RNF152: variants seen among roughly 807,000 people sequenced by gnomAD.
The protein encoded by RNF152 is E3 ubiquitin-protein ligase RNF152.
In RNF152, 11 loss-of-function variants were observed where a neutral mutation model predicts 12.7. The observed-to-expected ratio is 0.86, with a 90% CI of 0.54 to 1.43. The LOEUF is 1.43. Among genes scored for constraint, RNF152 ranks in the 40% most tolerant of loss-of-function variants. RNF152 has a pLI of 0.00. For synonymous variants in RNF152, 113 were observed against 120.3 expected (o/e 0.94, Z 0.40); for missense variants, 255 against 274.8 (o/e 0.93, Z 0.51).
Position 61,815,095 on chromosome 18 carries a change from G to C in RNF152, c.*757C>G, listed in dbSNP as rs1408715759. The C allele has an allele frequency of 6.6e-6, 1 of 152,552 alleles. No individual in the cohort carries two copies. Among genetic ancestry groups the C allele is most frequent in the Non-Finnish European group, 1.5e-5 (1 of 68,032 alleles). 9.4% of individuals were successfully genotyped at this position (152,552 alleles called of 1,614,324 possible). A position where few individuals can be genotyped will look rare whatever the true frequency, so the allele number is the denominator to read the frequency against. ...TACATTTGAAATTCTTATTTTGTGA[G>C]ATGGCTTGAGGAAAATCGGCATACA... On this transcript the variant is annotated 3_prime_UTR_variant, in exon 2 of 2. Transcript: ENST00000312828.
rs184869981 is a variant in RNF152 at position 61,857,630 on chromosome 18, G to A, written c.-136+35165C>T. Among the ~76,000 whole-genome samples the A allele has an allele frequency of 1.0e-3, 154 of 152,106 alleles. 1 individual carries two copies. Among genetic ancestry groups the A allele is most frequent in the African/African-American group, 3.4e-3 (142 of 41,476 alleles). ...TTCCATCTCATCGCCATGTTCTGAC[G>A]ATACAGGGACACAAAAGTAGCAGAT... is the stretch of plus-strand genomic sequence containing the variant. On this transcript the variant is annotated intron_variant, in intron 1 of 1. Transcript: ENST00000312828.
chr18:61,846,035 C>G (rs1475424360), intron 1 of RNF152, among the ~76,000 whole-genome samples: 2 of 152,036 alleles, frequency 1.3e-5, no homozygotes, highest in African/African-American at 2.4e-5. Flanking sequence ...CAGCAGATGC[C>G]CTTTATGAAC....
chr18:61,894,386 G>A (rs1392204149), upstream of RNF152: 1 of 151,794 alleles, frequency 6.6e-6, no homozygotes, highest in African/African-American at 2.4e-5. This position sits in a 1 kb window ranked among gnomAD's most constrained non-coding sequence, Gnocchi z 4.9. Context: ...GCCGCCCTCC[G>A]CGTTCGCGGT....
chr18:61,879,495 G>A (rs928486810), intron 1 of RNF152, among the ~76,000 whole-genome samples: 8 of 152,210 alleles, frequency 5.3e-5, no homozygotes, highest in Admixed American at 1.3e-4. Flanking sequence ...GGTACTTATA[G>A]CTTTCCATCA....
chr18:61,860,548 C>T (rs778011683), intron 1 of RNF152, among the ~76,000 whole-genome samples: 36 of 152,244 alleles, frequency 2.4e-4, no homozygotes, highest in Middle Eastern at 3.4e-3. Flanking sequence ...ACCATGCTGC[C>T]GGTTGCATAA....
chr18:61,873,485 G>A (rs1375397242), intron 1 of RNF152, among the ~76,000 whole-genome samples: 10 of 152,188 alleles, frequency 6.6e-5, no homozygotes, highest in Admixed American at 5.2e-4. Flanking sequence ...TTACAGGCAC[G>A]CCACCACGCC....
At position 61,816,612 on chromosome 18, in the gene RNF152, A is replaced by G. The variant is rs74944401; in HGVS notation, c.-135-14T>C. The G allele has an allele frequency of 7.3e-4, 539 of 740,192 alleles. 6 individuals are homozygous for G. The East Asian group carries it at 0.013, about 17-fold the overall frequency. The allele number at this position is 740,192 out of a possible 1,614,324, so 45.9% of individuals were successfully genotyped here. A position where few individuals can be genotyped will look rare whatever the true frequency, so the allele number is the denominator to read the frequency against. On this transcript the variant is annotated splice_polypyrimidine_tract_variant and intron_variant, in intron 1 of 1. Transcript: ENST00000312828. The stretch of plus-strand genomic sequence containing the variant: ...GTGTGTTCATTTCTGAGAGAGACAA[A>G]TAATGCAAACAATCTTAATTATTTC...
In RNF152 at chr18:61,812,507, CT is replaced by C. The variant is rs1490692551; in HGVS notation, c.*3344del. 6.6e-6 allele frequency: 1 copy of C among 152,150 alleles called. No homozygotes were observed. Among genetic ancestry groups the C allele is most frequent in the Non-Finnish European group, 1.5e-5 (1 of 68,024 alleles). 9.4% of individuals were successfully genotyped at this position (152,150 alleles called of 1,614,324 possible). ...TGACTGGAACCAAAAACCAAGTTGCCTTTTCATCACAACTTATGCCCCAAGT... is the reference window on the plus strand; with the variant it reads ...TGACTGGAACCAAAAACCAAGTTGCCTTTCATCACAACTTATGCCCCAAGT... On this transcript the variant is annotated 3_prime_UTR_variant, in exon 2 of 2. Transcript: ENST00000312828.
At chr18:61,837,232 G>C (rs972759431) in intron 1 of RNF152, among the ~76,000 whole-genome samples, 4 of 152,198 alleles carry the variant, frequency 2.6e-5, no homozygotes, top group African/African-American at 9.7e-5. Context: ...AAAGCAACGA[G>C]ATTGTTCTAG....
chr18:61,891,693 T>C (rs1912966990), intron 1 of RNF152, among the ~76,000 whole-genome samples: 1 of 152,228 alleles, frequency 6.6e-6, no homozygotes, highest in South Asian at 2.1e-4. Context: ...GAAGGATAAA[T>C]GCTAGTGTCA....
chr18:61,884,542 A>T (rs1371802986), intron 1 of RNF152, among the ~76,000 whole-genome samples: 1 of 151,890 alleles, frequency 6.6e-6, no homozygotes, highest in African/African-American at 2.4e-5. Context: ...CTGGTAAAAC[A>T]TAGGCATTCA....
intron 1 of RNF152, among the ~76,000 whole-genome samples, chr18:61,847,795 A>G (rs774840138): frequency 2.6e-5 from 4 of 151,966 alleles, no homozygotes; most frequent in African/African-American, 7.3e-5. Flanking sequence ...CCTTCAGTCA[A>G]TGGCCTGGCC....
intron 1 of RNF152, among the ~76,000 whole-genome samples, chr18:61,835,209 A>T (rs1568270616): frequency 6.6e-6 from 1 of 152,244 alleles, no homozygotes. Flanking sequence ...ACAAAATAGC[A>T]TATTTACAAG....
chr18:61,887,098 T>C (rs1198778820), intron 1 of RNF152, among the ~76,000 whole-genome samples: 3 of 152,204 alleles, frequency 2.0e-5, no homozygotes, highest in Non-Finnish European at 4.4e-5. Flanking sequence ...TCCCAGCTAA[T>C]GTTCAGTTTT....
At chr18:61,851,278 A>G (rs541744843) in intron 1 of RNF152, among the ~76,000 whole-genome samples, 2 of 152,286 alleles carry the variant, frequency 1.3e-5, no homozygotes, top group East Asian at 3.9e-4. Context: ...ATCAAACTTT[A>G]AATCACTGAA....
At chr18:61,858,924 C>T (rs879778602) in intron 1 of RNF152, among the ~76,000 whole-genome samples, 1 of 152,060 alleles carries the variant, frequency 6.6e-6, no homozygotes, top group Non-Finnish European at 1.5e-5. Flanking sequence ...ATTTGGGGTC[C>T]CCTGGCTTTG....
intron 1 of RNF152, among the ~76,000 whole-genome samples, chr18:61,847,434 T>C (rs1404043596): frequency 6.6e-6 from 1 of 152,178 alleles, no homozygotes; most frequent in East Asian, 1.9e-4. Context: ...CAAAACTCTC[T>C]CAACTCAGAA....
At chr18:61,868,083 T>G (rs1911820094) in intron 1 of RNF152, among the ~76,000 whole-genome samples, 1 of 152,188 alleles carries the variant, frequency 6.6e-6, no homozygotes, top group South Asian at 2.1e-4. Flanking sequence ...TTCATGGTAA[T>G]GTGTGCAGCT....
intron 1 of RNF152, among the ~76,000 whole-genome samples, chr18:61,873,762 T>C (rs1198463336): frequency 1.3e-5 from 2 of 152,224 alleles, no homozygotes; most frequent in African/African-American, 4.8e-5. Flanking sequence ...AACATCAGTT[T>C]ACCTGACATA....
Sources: gnomAD v4.1 joint callset for allele counts (sites outside exome capture counted in the v4.1 genomes callset) on GRCh38, gnomAD v4.1.1 for gene constraint, Gnocchi (gnomAD v3.1) non-coding constraint, MANE v1.5 for transcripts, NCBI Gene and HGNC (gene_info 2026-07-23, HGNC 2026-07-21) for gene names.